The following HSP90AA1 variants were observed in gnomAD, a reference collection of about 807,000 sequenced individuals.
The protein encoded by HSP90AA1 is heat shock protein HSP 90-alpha.
In HSP90AA1, 18 loss-of-function variants were observed where a neutral mutation model predicts 73.3. That is an observed-to-expected ratio of 0.25 (90% CI 0.17 to 0.36). The LOEUF (loss-of-function observed/expected upper bound fraction) is 0.36, where lower values mean the gene tolerates loss of function less well. Among genes scored for constraint, HSP90AA1 ranks in the 10% least tolerant of loss-of-function variants. The pLI is 1.00. For synonymous variants in HSP90AA1, 477 were observed against 296.9 expected (o/e 1.61, Z -6.24); for missense variants, 704 against 874.2 (o/e 0.81, Z 2.45).
intron 1 of HSP90AA1, among the ~76,000 whole-genome samples, chr14:102,102,759 G>A (rs909241162): frequency 3.3e-5 from 5 of 152,176 alleles, no homozygotes; most frequent in Non-Finnish European, 7.3e-5. Context: ...ACTCAAGGCC[G>A]GGAGTGGTGG....
At chr14:102,138,365 T>C (rs2050085540) in intron 1 of HSP90AA1, among the ~76,000 whole-genome samples, 1 of 152,216 alleles carries the variant, frequency 6.6e-6, no homozygotes, top group Non-Finnish European at 1.5e-5. Context: ...GTTATGGAGT[T>C]TGGGATATAG....
chr14:102,082,600 G>A (rs751607328), intron 9 of HSP90AA1, 156 bp from the exon 10 acceptor site: 18 of 659,030 alleles, frequency 2.7e-5, no homozygotes, highest in South Asian at 2.7e-4. Flanking sequence ...AAAGAGCACA[G>A]GTTATAATTT....
At chr14:102,082,068 G>C (rs775513014) in intron 10 of HSP90AA1, 43 bp downstream of exon 10, 1 of 1,301,080 alleles carries the variant, frequency 7.7e-7, no homozygotes, top group South Asian at 1.2e-5. Context: ...TCAATGTCAC[G>C]TGTGTTTATT....
intron 2 of HSP90AA1, among the ~76,000 whole-genome samples, chr14:102,092,818 T>G (rs992601038): frequency 3.9e-5 from 6 of 152,118 alleles, no homozygotes; most frequent in African/African-American, 1.4e-4. Context: ...TGGCAAAATC[T>G]CGGCTCACTG....
rs201377395 is a variant in HSP90AA1 at position 102,083,000 on chromosome 14, G to A, written c.1755+34C>T. ...GACTAAGCTTGAAAGCACCTTAGAA[G>A]TATCAATGATCAGGAAATGCTGTAT... On this transcript the variant is annotated intron_variant, in intron 9 of 10. Coordinates refer to ENST00000216281, the MANE Select transcript of HSP90AA1 (RefSeq NM_005348.4). 3.3e-5 allele frequency: 52 copies of A among 1,598,488 alleles called. No individual in the cohort carries two copies. The East Asian group carries it at 3.6e-4, about 11-fold the overall frequency.
chr14:102,093,067 A>G lies in HSP90AA1; in HGVS notation c.367-6689T>C, dbSNP rs1012428866. Among the ~76,000 whole-genome samples, 12 of 152,050 alleles carry G rather than the reference A, an allele frequency of 7.9e-5. No individual in the cohort carries two copies. In the South Asian group the frequency reaches 2.1e-3, roughly 26 times the overall value. On this transcript the variant is annotated intron_variant, in intron 2 of 11. Coordinates refer to the HSP90AA1 transcript ENST00000334701. ...GCCAACAGCTGTTTTTAAATAATCAATGTTTAGCAAACCTTGTAGAAAGTT... is the reference window on the plus strand; with the variant it reads ...GCCAACAGCTGTTTTTAAATAATCAGTGTTTAGCAAACCTTGTAGAAAGTT...
chr14:102,111,575 T>C (rs2049643144), intron 1 of HSP90AA1, among the ~76,000 whole-genome samples: 1 of 152,232 alleles, frequency 6.6e-6, no homozygotes, highest in East Asian at 1.9e-4. Context: ...AGCATATCCT[T>C]TCACAGCTTC....
At chr14:102,135,643 C>T (rs1177615590) in intron 1 of HSP90AA1, among the ~76,000 whole-genome samples, 1 of 152,256 alleles carries the variant, frequency 6.6e-6, no homozygotes, top group Non-Finnish European at 1.5e-5. Context: ...CTGCAGGTCC[C>T]GGAGCCCTGC....
intron 1 of HSP90AA1, among the ~76,000 whole-genome samples, chr14:102,134,005 G>T (rs1386168918): frequency 6.6e-6 from 1 of 151,918 alleles, no homozygotes; most frequent in Non-Finnish European, 1.5e-5. Context: ...ACAAAAATTA[G>T]CCGTGCATGG....
intron 1 of HSP90AA1, among the ~76,000 whole-genome samples, chr14:102,102,804 G>C (rs1057013798): frequency 1.3e-5 from 2 of 152,234 alleles, no homozygotes; most frequent in South Asian, 4.1e-4. Context: ...TGGAGGCCAA[G>C]GGGAGTGCAT....
At chr14:102,139,638 G>C (rs760414416) in exon 1 of HSP90AA1, 15 of 643,880 alleles carry the variant, frequency 2.3e-5, no homozygotes, top group Non-Finnish European at 3.4e-5. Flanking sequence ...CCCACTAGCT[G>C]AAGCCGGCAT....
At chr14:102,088,248 C>T (rs1429684714), upstream of HSP90AA1, among the ~76,000 whole-genome samples, 3 of 152,196 alleles carry the variant, frequency 2.0e-5, no homozygotes, top group East Asian at 3.8e-4. Context: ...ACCTTGGAGG[C>T]ATTGGGGTTC....
intron 1 of HSP90AA1, among the ~76,000 whole-genome samples, chr14:102,130,919 A>G (rs775243906): frequency 3.9e-5 from 6 of 151,928 alleles, no homozygotes; most frequent in African/African-American, 1.2e-4. Context: ...AGGTCTCACC[A>G]TATTGCCCAG....
intron 1 of HSP90AA1, among the ~76,000 whole-genome samples, chr14:102,102,977 G>C (rs968285091): frequency 6.6e-6 from 1 of 152,014 alleles, no homozygotes; most frequent in African/African-American, 2.4e-5. Context: ...TCAGGAGTTT[G>C]AGACTAGCCT....
chr14:102,087,214 GGC>G (rs1470850883), upstream of HSP90AA1: 2 of 957,024 alleles, frequency 2.1e-6, no homozygotes, highest in Admixed American at 6.2e-5. Context: ...CCTTCCTGCG[GGC>G]GCGCGCAGGC....
At chr14:102,092,514 GA>G (rs1411131993) in intron 2 of HSP90AA1, among the ~76,000 whole-genome samples, 2 of 152,078 alleles carry the variant, frequency 1.3e-5, no homozygotes, top group Non-Finnish European at 2.9e-5. Context: ...ATTATGCTGA[GA>G]AAGATGCCAG....
rs972436676 is a variant in HSP90AA1 at position 102,081,701 on chromosome 14, T to TCAG, written c.*8_*10dup. The TCAG allele has an allele frequency of 4.3e-6, 5 of 1,166,544 alleles. No individual in the cohort carries two copies. The Admixed American group carries it at 8.4e-5, about 20-fold the overall frequency. The allele number at this position is 1,166,544 out of a possible 1,614,324, so 72.3% of individuals were successfully genotyped here. A position where few individuals can be genotyped will look rare whatever the true frequency, so the allele number is the denominator to read the frequency against. On this transcript the variant is annotated 3_prime_UTR_variant, in exon 11 of 11. Transcript: ENST00000216281. ...GAGTACTGAACAGGTAAGTCATCCC[T>TCAG]CAGCCAGAGATTAGTCTACTTCTTC... is the stretch of plus-strand genomic sequence containing the variant.
chr14:102,088,884 T>C (rs559301008), upstream of HSP90AA1, among the ~76,000 whole-genome samples: 1 of 149,780 alleles, frequency 6.7e-6, no homozygotes, highest in Non-Finnish European at 1.5e-5. Context: ...GGGCCCTAAC[T>C]CTGACGTTCT....
At chr14:102,082,958 G>A (rs1053316087) in intron 9 of HSP90AA1, 76 bp downstream of exon 9, 39 of 1,433,330 alleles carry the variant, frequency 2.7e-5, no homozygotes, top group South Asian at 3.5e-5. Context: ...GAAAACATGC[G>A]AAAATGGGCT....
Sources: allele counts gnomAD v4.1 joint callset (sites outside exome capture counted in the v4.1 genomes callset), GRCh38; gene constraint gnomAD v4.1.1; transcripts MANE v1.5; gene names NCBI Gene and HGNC (gene_info 2026-07-23, HGNC 2026-07-21).